The following DGKI variants were observed in gnomAD, a reference collection of about 807,000 sequenced individuals.
The protein encoded by DGKI is diacylglycerol kinase iota.
Under a neutral mutation model 147.5 loss-of-function variants are expected in DGKI, and 55 were observed. The ratio of observed to expected loss-of-function variants is 0.37; its 90% CI spans 0.30 to 0.47. The LOEUF (loss-of-function observed/expected upper bound fraction) is 0.47. DGKI is among the 20% of genes least tolerant of loss of function. The pLI, the probability that DGKI is intolerant of heterozygous loss-of-function variation, is 1.00. For synonymous variants in DGKI, 469 were observed against 477.1 expected (o/e 0.98, Z 0.22); for missense variants, 1,007 against 1,323.8 (o/e 0.76, Z 3.71).
Position 137,425,830 on chromosome 7 carries a change from G to A in DGKI, c.2762-13623C>T, listed in dbSNP as rs1218666089. Among the ~76,000 whole-genome samples the A allele has an allele frequency of 9.2e-5, 14 of 152,240 alleles. 1 individual carries two copies. The highest frequency in any genetic ancestry group is 2.6e-4 in the Admixed American group (4 of 15,276). ...GAAGATGAAGTGAATGAAATGAAGC[G>A]AGAAGGGAAGTTTAGAGAAAAAAGA... On this transcript the variant is annotated intron_variant, in intron 28 of 32. Coordinates refer to ENST00000614521, the MANE Select transcript of DGKI (RefSeq NM_001321708.2).
intron 1 of DGKI, among the ~76,000 whole-genome samples, chr7:137,843,652 C>G (rs1445814555): frequency 6.6e-6 from 1 of 151,818 alleles, no homozygotes; most frequent in Non-Finnish European, 1.5e-5. Context: ...GGCTCTGGTT[C>G]CTAAAAAGAC....
At chr7:137,840,044 T>C (rs1268120706) in intron 1 of DGKI, among the ~76,000 whole-genome samples, 1 of 152,220 alleles carries the variant, frequency 6.6e-6, no homozygotes, top group African/African-American at 2.4e-5. Context: ...TCAGCTAATA[T>C]GCACACACAA....
chr7:137,514,661 G>A (rs990010395), intron 21 of DGKI, among the ~76,000 whole-genome samples: 1 of 152,118 alleles, frequency 6.6e-6, no homozygotes, highest in African/African-American at 2.4e-5. Flanking sequence ...AAACATCAGA[G>A]GCAACTGAAT....
chr7:137,553,066 C>T (rs1818105909), intron 19 of DGKI, among the ~76,000 whole-genome samples: 1 of 152,198 alleles, frequency 6.6e-6, no homozygotes, highest in Non-Finnish European at 1.5e-5. Context: ...CAAATATTCA[C>T]AATTTTGACG....
At position 137,486,066 on chromosome 7, in the gene DGKI, A is replaced by G. The variant is rs138869300; in HGVS notation, c.2329-648T>C. Among the ~76,000 whole-genome samples, 10 of 152,242 alleles carry G rather than the reference A, an allele frequency of 6.6e-5. No individual in the cohort carries two copies. The East Asian group carries it at 1.9e-3, about 29-fold the overall frequency. On this transcript the variant is annotated intron_variant, in intron 22 of 32. Transcript: ENST00000614521. ...TCATGCCTCCTAGGCTTCCTTGCTAATGAGTGTAGTGATTCTATTCACAGA... is the reference window on the plus strand; with the variant it reads ...TCATGCCTCCTAGGCTTCCTTGCTAGTGAGTGTAGTGATTCTATTCACAGA...
At chr7:137,569,301 A>G (rs1405834212) in intron 19 of DGKI, among the ~76,000 whole-genome samples, 3 of 152,170 alleles carry the variant, frequency 2.0e-5, no homozygotes, top group Non-Finnish European at 4.4e-5. Context: ...CACAGTCAGA[A>G]CTAGGAGGCT....
At chr7:137,756,242 C>T (rs777107365) in intron 1 of DGKI, among the ~76,000 whole-genome samples, 1 of 152,182 alleles carries the variant, frequency 6.6e-6, no homozygotes, top group Non-Finnish European at 1.5e-5. Context: ...ATGCCAAGAC[C>T]TGCTGTGCCC....
intron 1 of DGKI, among the ~76,000 whole-genome samples, chr7:137,811,911 C>A (rs1272958675): frequency 6.6e-6 from 1 of 151,974 alleles, no homozygotes; most frequent in Non-Finnish European, 1.5e-5. Flanking sequence ...ATTGCCCCAG[C>A]CTAGGTAGGT....
rs1647175 is a variant in DGKI at position 137,381,617 on chromosome 7, T to C, written c.*9603A>G. 0.74 allele frequency: 112,465 copies of C among 151,614 alleles called. 42,824 individuals carry two copies. Among genetic ancestry groups the C allele is most frequent in the Non-Finnish European group, 0.83 (56,085 of 67,860 alleles). The allele number at this position is 151,614 out of a possible 1,614,324, so 9.4% of individuals were successfully genotyped here. ...TCAAATATATTCATTCTTTTAGAAC[T>C]GAGATTGTCCTCTATTCCTTAGTTT... On this transcript the variant is annotated 3_prime_UTR_variant, in exon 33 of 33. Transcript: ENST00000614521.
At chr7:137,472,247 T>C (rs1356920184) in intron 23 of DGKI, among the ~76,000 whole-genome samples, 1 of 109,640 alleles carries the variant, frequency 9.1e-6, no homozygotes, top group Non-Finnish European at 1.7e-5. Context: ...TATGTATATA[T>C]ACACATAATA....
intron 1 of DGKI, among the ~76,000 whole-genome samples, chr7:137,717,561 A>G (rs1301176401): frequency 2.0e-5 from 3 of 152,234 alleles, no homozygotes; most frequent in Non-Finnish European, 4.4e-5. Flanking sequence ...GGTAGCACTC[A>G]GTAATGCCTA....
intron 23 of DGKI, among the ~76,000 whole-genome samples, chr7:137,471,977 A>ATATATACATTATATTATATATG (rs1332237727): frequency 1.4e-5 from 2 of 139,964 alleles, no homozygotes; most frequent in African/African-American, 2.6e-5. Context: ...ATACATGTGT[A>ATATATACATTATATTATATATG]TATATACATT....
chr7:137,552,685 G>T, intron 19 of DGKI, 117 bp from the exon 20 acceptor site: 1 of 1,030,794 alleles, frequency 9.7e-7, no homozygotes, highest in Non-Finnish European at 1.4e-6. Context: ...AAGGCAGGTG[G>T]ATCACCGGTG....
intron 1 of DGKI, among the ~76,000 whole-genome samples, chr7:137,777,053 C>A (rs1796382529): frequency 6.6e-6 from 1 of 151,920 alleles, no homozygotes; most frequent in Non-Finnish European, 1.5e-5. Context: ...ATTAGCTGGG[C>A]ATGGTGGCAC....
At chr7:137,782,001 G>A (rs1427865815) in intron 1 of DGKI, among the ~76,000 whole-genome samples, 2 of 152,182 alleles carry the variant, frequency 1.3e-5, no homozygotes, top group Non-Finnish European at 2.9e-5. Context: ...CTCCTGCTCA[G>A]ACAGACAGAG....
At chr7:137,463,829 A>G (rs1814547634) in intron 26 of DGKI, among the ~76,000 whole-genome samples, 1 of 152,188 alleles carries the variant, frequency 6.6e-6, no homozygotes, top group Non-Finnish European at 1.5e-5. Context: ...GAGAAAACTG[A>G]TTTTCAAGAT....
intron 1 of DGKI, among the ~76,000 whole-genome samples, chr7:137,765,795 C>T (rs1235866421): frequency 6.6e-6 from 1 of 152,172 alleles, no homozygotes; most frequent in Admixed American, 6.5e-5. Flanking sequence ...CGGAGGCCTC[C>T]CGGAATCCTG....
intron 1 of DGKI, among the ~76,000 whole-genome samples, chr7:137,816,921 T>C (rs903530210): frequency 1.3e-5 from 2 of 152,142 alleles, no homozygotes; most frequent in Admixed American, 6.5e-5. Context: ...ATCCTGTGCA[T>C]TGCAGGATGT....
intron 1 of DGKI, among the ~76,000 whole-genome samples, chr7:137,827,174 T>G (rs1362553048): frequency 6.6e-6 from 1 of 152,100 alleles, no homozygotes; most frequent in African/African-American, 2.4e-5. Context: ...GACTTGCAGC[T>G]ATAACAGTGA....
Sources: gnomAD v4.1 joint callset for allele counts (sites outside exome capture counted in the v4.1 genomes callset) on GRCh38, gnomAD v4.1.1 for gene constraint, MANE v1.5 for transcripts, NCBI Gene and HGNC (gene_info 2026-07-23, HGNC 2026-07-21) for gene names.